RTN4RL1: variants seen among roughly 807,000 people sequenced by gnomAD.
RTN4RL1 encodes reticulon-4 receptor-like 1.
RTN4RL1 carries 7 observed loss-of-function variants against 25.6 expected under a neutral mutation model. The ratio of observed to expected loss-of-function variants is 0.27; its 90% CI spans 0.16 to 0.51. The LOEUF (loss-of-function observed/expected upper bound fraction) is 0.51, where lower values mean the gene tolerates loss of function less well. Among genes scored for constraint, RTN4RL1 ranks in the 20% least tolerant of loss-of-function variants. The pLI, the probability that RTN4RL1 is intolerant of heterozygous loss-of-function variation, is 0.97. For missense variants in RTN4RL1, 500 were observed against 615.6 expected, an observed-to-expected ratio of 0.81 and a Z score of 1.99; for synonymous variants, 297 against 288.2, an observed-to-expected ratio of 1.03 and a Z score of -0.31.
At chr17:1,990,121 AAGCTGAGGCTGGAGGATC>A (rs1356112802) in intron 1 of RTN4RL1, among the ~76,000 whole-genome samples, 2 of 152,092 alleles carry the variant, frequency 1.3e-5, no homozygotes, top group African/African-American at 4.8e-5. Context: ...AATATTTGGG[AAGCTGAGGCTGGAGGATC>A]ACCTGAGGCC....
intron 1 of RTN4RL1, among the ~76,000 whole-genome samples, chr17:1,968,877 A>G (rs369839598): frequency 6.6e-6 from 1 of 152,330 alleles, no homozygotes; most frequent in African/African-American, 2.4e-5. Flanking sequence ...GTAGGTATCT[A>G]TCGCCGAGTG....
intron 1 of RTN4RL1, among the ~76,000 whole-genome samples, chr17:1,947,595 C>T (rs930223952): frequency 6.7e-6 from 1 of 150,210 alleles, no homozygotes; most frequent in Non-Finnish European, 1.5e-5. Flanking sequence ...ATTGGAATAG[C>T]CTTTCAGCTT....
At chr17:1,991,370 T>A (rs2066907579) in intron 1 of RTN4RL1, among the ~76,000 whole-genome samples, 1 of 141,536 alleles carries the variant, frequency 7.1e-6, no homozygotes, top group Non-Finnish European at 1.5e-5. Context: ...AGAAGCCAGA[T>A]AAAGCCTGTG....
At chr17:1,941,098 G>A (rs1339692070) in intron 1 of RTN4RL1, among the ~76,000 whole-genome samples, 10 of 152,208 alleles carry the variant, frequency 6.6e-5, no homozygotes, top group African/African-American at 4.8e-5. Flanking sequence ...AGGACTACCC[G>A]GTGTGCTGGG....
chr17:1,956,674 G>A (rs1311421763), intron 1 of RTN4RL1, among the ~76,000 whole-genome samples: 6 of 151,912 alleles, frequency 3.9e-5, no homozygotes, highest in African/African-American at 1.5e-4. Flanking sequence ...GTTGCCTCCT[G>A]GGAGGGCTGC....
At chr17:1,964,022 G>A (rs962914701) in intron 1 of RTN4RL1, among the ~76,000 whole-genome samples, 7 of 152,158 alleles carry the variant, frequency 4.6e-5, no homozygotes, top group Non-Finnish European at 8.8e-5. Context: ...CACCGCGCCG[G>A]GCCTGCCCTT....
chr17:2,022,910 TCC>T (rs906615373), intron 1 of RTN4RL1, among the ~76,000 whole-genome samples: 14 of 151,938 alleles, frequency 9.2e-5, no homozygotes, highest in Admixed American at 4.6e-4. Flanking sequence ...GTAAGGAGCC[TCC>T]CCCCGGGGAG....
At chr17:1,993,364 G>C (rs1271335007) in intron 1 of RTN4RL1, among the ~76,000 whole-genome samples, 1 of 152,228 alleles carries the variant, frequency 6.6e-6, no homozygotes, top group African/African-American at 2.4e-5. Context: ...GGGCCAGTCA[G>C]ACCTGGGTTC....
At chr17:1,947,810 C>T (rs751160374) in intron 1 of RTN4RL1, among the ~76,000 whole-genome samples, 3 of 152,206 alleles carry the variant, frequency 2.0e-5, no homozygotes, top group Non-Finnish European at 4.4e-5. Context: ...CCACGTACTG[C>T]CCAGGCTTGA....
At chr17:1,977,531 C>T (rs2066847734) in intron 1 of RTN4RL1, among the ~76,000 whole-genome samples, 1 of 152,186 alleles carries the variant, frequency 6.6e-6, no homozygotes, top group Admixed American at 6.5e-5. Flanking sequence ...CCCCCCACCC[C>T]GCCCGCCGGC....
Position 1,952,052 on chromosome 17 carries a change from C to A in RTN4RL1, c.14-14244G>T, listed in dbSNP as rs573181124. Among the ~76,000 whole-genome samples, 206 of 111,938 alleles carry A rather than the reference C, an allele frequency of 1.8e-3. 5 individuals carry two copies. Among genetic ancestry groups the A allele is most frequent in the Admixed American group, 0.016 (205 of 12,580 alleles). 73.4% of individuals were successfully genotyped at this position (111,938 alleles called of 152,430 possible). ...CTCCAGGACCTGGGCTGAGAGGGCA[C>A]CCTCTACCCAGAAGCTGCTGCTCTC... is the stretch of plus-strand genomic sequence containing the variant. On this transcript the variant is annotated intron_variant, in intron 1 of 1. Coordinates refer to ENST00000331238, the MANE Select transcript of RTN4RL1 (RefSeq NM_178568.4).
At chr17:1,959,559 CTTTGTTTTGT>C (rs530746636) in intron 1 of RTN4RL1, among the ~76,000 whole-genome samples, 6 of 152,018 alleles carry the variant, frequency 3.9e-5, no homozygotes, top group Admixed American at 2.0e-4. Context: ...AGGCCCAAGT[CTTTGTTTTGT>C]TTTGTTTTGT....
intron 1 of RTN4RL1, among the ~76,000 whole-genome samples, chr17:1,997,526 C>G (rs772927798): frequency 6.6e-6 from 1 of 152,238 alleles, no homozygotes; most frequent in Non-Finnish European, 1.5e-5. Context: ...TGGTAGTCGA[C>G]AAGTATGACT....
intron 1 of RTN4RL1, among the ~76,000 whole-genome samples, chr17:1,957,464 C>T (rs1915816256): frequency 6.6e-6 from 1 of 152,236 alleles, no homozygotes; most frequent in Admixed American, 6.5e-5. Flanking sequence ...TGTCCACATA[C>T]ACGCTTTGAA....
chr17:1,970,377 A>AT (rs933161512), intron 1 of RTN4RL1, among the ~76,000 whole-genome samples: 1 of 152,040 alleles, frequency 6.6e-6, no homozygotes, highest in African/African-American at 2.4e-5. Context: ...AGGTAGCTGG[A>AT]TTTTTTACCT....
chr17:1,941,229 GAC>G (rs1203953986), intron 1 of RTN4RL1, among the ~76,000 whole-genome samples: 1 of 152,200 alleles, frequency 6.6e-6, no homozygotes, highest in Non-Finnish European at 1.5e-5. Context: ...TTCCCCGTCA[GAC>G]ACAAAGCAGG....
rs1329658383 is a variant in RTN4RL1, at chr17:1,968,307, G to A, written c.14-30499C>T. Among the ~76,000 whole-genome samples, 7 of 151,688 alleles carry A rather than the reference G, an allele frequency of 4.6e-5. No individual in the cohort carries two copies. The East Asian group carries it at 7.8e-4, about 17-fold the overall frequency. On this transcript the variant is annotated intron_variant, in intron 1 of 1. Coordinates refer to ENST00000331238, the MANE Select transcript of RTN4RL1 (RefSeq NM_178568.4). ...GGCCACCCTCTCAGTGACTACCACC[G>A]CCTCCATCTGCCAGAAACCCAGGAC...
intron 1 of RTN4RL1, among the ~76,000 whole-genome samples, chr17:1,988,852 A>C (rs2066898150): frequency 6.7e-6 from 1 of 149,440 alleles, no homozygotes; most frequent in Non-Finnish European, 1.5e-5. Context: ...GCCCAGGTAC[A>C]TGTGAGGAAC....
At chr17:2,001,104 A>C (rs543186730) in intron 1 of RTN4RL1, among the ~76,000 whole-genome samples, 1 of 146,154 alleles carries the variant, frequency 6.8e-6, no homozygotes, top group African/African-American at 2.6e-5. Flanking sequence ...CCAGGCTGGC[A>C]TTGAACTCCT....
Sources: gnomAD v4.1 joint callset for allele counts (sites outside exome capture counted in the v4.1 genomes callset) on GRCh38, gnomAD v4.1.1 for gene constraint, MANE v1.5 for transcripts, NCBI Gene and HGNC (gene_info 2026-07-23, HGNC 2026-07-21) for gene names.